TRHDE: variants seen among roughly 807,000 people sequenced by gnomAD.
TRHDE encodes thyrotropin-releasing hormone-degrading ectoenzyme.
A neutral mutation model predicts 125.7 loss-of-function variants in TRHDE; 72 were observed. The ratio of observed to expected loss-of-function variants is 0.57; its 90% CI spans 0.47 to 0.70. TRHDE has a LOEUF of 0.70. Ranked by LOEUF, TRHDE falls within the 30% of genes least tolerant of loss-of-function variation. The pLI is 0.00. For synonymous variants in TRHDE, 509 were observed against 509.1 expected (o/e 1.00, Z 0.00); for missense variants, 1,110 against 1,327.1 (o/e 0.84, Z 2.54).
intron 3 of TRHDE, among the ~76,000 whole-genome samples, chr12:72,441,344 T>C (rs1352898033): frequency 6.6e-6 from 1 of 151,904 alleles, no homozygotes; most frequent in African/African-American, 2.4e-5. Flanking sequence ...AGTAATAAAA[T>C]TGACTAATAA....
chr12:72,351,439 A>T (rs1282173531), intron 2 of TRHDE, among the ~76,000 whole-genome samples: 1 of 151,992 alleles, frequency 6.6e-6, no homozygotes, highest in East Asian at 1.9e-4. Flanking sequence ...GCTCCCTTTT[A>T]ACATACAGAG....
intron 3 of TRHDE, among the ~76,000 whole-genome samples, chr12:72,443,011 T>A (rs1875092456): frequency 6.6e-6 from 1 of 151,846 alleles, no homozygotes. Context: ...TCTTGCACTC[T>A]TCATTGGTTT....
intron 15 of TRHDE, among the ~76,000 whole-genome samples, chr12:72,645,478 T>C (rs143912387): frequency 6.6e-6 from 1 of 152,194 alleles, no homozygotes; most frequent in Non-Finnish European, 1.5e-5. Context: ...ACTTTTGGGA[T>C]ACCAGCAAAT....
chr12:72,425,273 G>A (rs999964488), intron 3 of TRHDE, among the ~76,000 whole-genome samples: 10 of 151,936 alleles, frequency 6.6e-5, no homozygotes, highest in Admixed American at 1.3e-4. Flanking sequence ...TTTTCTGTTT[G>A]GTTCCATTTC....
At chr12:72,143,804 T>C (rs1876169304) in intron 2 of TRHDE, among the ~76,000 whole-genome samples, 1 of 152,082 alleles carries the variant, frequency 6.6e-6, no homozygotes, top group Admixed American at 6.5e-5. Flanking sequence ...ATGAGCTAGA[T>C]CTTATTTCTT....
At chr12:72,263,391 G>A (rs1389389519) in intron 2 of TRHDE, 1 of 143,322 alleles carries the variant, frequency 7.0e-6, no homozygotes, top group African/African-American at 2.9e-5. Context: ...TCTAGTGTGT[G>A]TGCATGTTTT....
chr12:72,099,518 A>G (rs923122605), intron 1 of TRHDE, among the ~76,000 whole-genome samples: 1 of 152,162 alleles, frequency 6.6e-6, no homozygotes, highest in Non-Finnish European at 1.5e-5. Flanking sequence ...CCTTAAATAC[A>G]TAACCTGTCA....
At position 72,666,680 on chromosome 12, in the gene TRHDE, T is replaced by C. The variant is rs1401725053; in HGVS notation, c.*3485T>C. 6.6e-6 allele frequency: 1 copy of C among 152,114 alleles called. No individual in the cohort carries two copies. The highest frequency in any genetic ancestry group is 1.5e-5 in the Non-Finnish European group (1 of 68,012). 9.4% of individuals were successfully genotyped at this position (152,114 alleles called of 1,614,324 possible). On this transcript the variant is annotated 3_prime_UTR_variant, in exon 19 of 19. Transcript: ENST00000261180. Reference sequence around the variant, plus strand: ...AAAATATCTCTATCGATTGCATTAATTGGAGATTTTCCAAATACTAGACCA... The same window carrying C: ...AAAATATCTCTATCGATTGCATTAACTGGAGATTTTCCAAATACTAGACCA...
intron 3 of TRHDE, among the ~76,000 whole-genome samples, chr12:72,457,156 G>A (rs1043082021): frequency 2.6e-5 from 4 of 152,006 alleles, no homozygotes; most frequent in African/African-American, 7.2e-5. Flanking sequence ...TATTTCGAAC[G>A]GAAAGTCTAT....
intron 5 of TRHDE, among the ~76,000 whole-genome samples, chr12:72,493,038 A>G (rs1877752134): frequency 6.6e-6 from 1 of 151,896 alleles, no homozygotes; most frequent in African/African-American, 2.4e-5. Flanking sequence ...TGTCTCAATT[A>G]TGTCTCCTTT....
chr12:72,104,606 C>A (rs762630396), intron 1 of TRHDE, among the ~76,000 whole-genome samples: 1 of 152,168 alleles, frequency 6.6e-6, no homozygotes, highest in African/African-American at 2.4e-5. Context: ...GTGTCAGCAA[C>A]GAGTCACTTA....
chr12:72,625,409 T>C (rs1435965554), intron 15 of TRHDE, among the ~76,000 whole-genome samples: 1 of 151,774 alleles, frequency 6.6e-6, no homozygotes, highest in Non-Finnish European at 1.5e-5. Flanking sequence ...AGCACCTTGT[T>C]ATATAGTAAA....
At chr12:72,116,700 A>T (rs1207229958) in intron 2 of TRHDE, among the ~76,000 whole-genome samples, 1 of 151,586 alleles carries the variant, frequency 6.6e-6, no homozygotes, top group African/African-American at 2.4e-5. Context: ...CCACTTTTTG[A>T]TGGGGTTGTT....
intron 3 of TRHDE, among the ~76,000 whole-genome samples, chr12:72,379,766 T>C (rs780789945): frequency 1.3e-5 from 2 of 152,164 alleles, no homozygotes; most frequent in Non-Finnish European, 2.9e-5. Context: ...TTGCTCACCA[T>C]TGCCGCTACT....
intron 3 of TRHDE, among the ~76,000 whole-genome samples, chr12:72,450,535 T>C (rs1444915911): frequency 6.6e-6 from 1 of 152,016 alleles, no homozygotes; most frequent in Non-Finnish European, 1.5e-5. Flanking sequence ...CACATACTTA[T>C]TACTCTCTTA....
At chr12:72,326,547 C>A (rs1869349512) in intron 2 of TRHDE, among the ~76,000 whole-genome samples, 1 of 151,994 alleles carries the variant, frequency 6.6e-6, no homozygotes, top group Non-Finnish European at 1.5e-5. Context: ...GCACATGTAT[C>A]CCAGAACTTA....
chr12:72,091,615 T>C (rs1259699634), intron 1 of TRHDE, among the ~76,000 whole-genome samples: 2 of 152,170 alleles, frequency 1.3e-5, no homozygotes, highest in African/African-American at 4.8e-5. Context: ...AAGAATATTG[T>C]TGGAGGCCGA....
At chr12:72,220,879 A>G (rs1274112188) in intron 2 of TRHDE, among the ~76,000 whole-genome samples, 1 of 152,062 alleles carries the variant, frequency 6.6e-6, no homozygotes, top group Non-Finnish European at 1.5e-5. Flanking sequence ...TTATTATGAA[A>G]GTTAGTATAG....
At chr12:72,346,887 A>G (rs1870351163) in intron 2 of TRHDE, among the ~76,000 whole-genome samples, 1 of 152,046 alleles carries the variant, frequency 6.6e-6, no homozygotes, top group Non-Finnish European at 1.5e-5. Flanking sequence ...CAGCAAGGTA[A>G]TGCATCTCCT....
Sources: allele counts gnomAD v4.1 joint callset (sites outside exome capture counted in the v4.1 genomes callset), GRCh38; gene constraint gnomAD v4.1.1; transcripts MANE v1.5; gene names NCBI Gene and HGNC (gene_info 2026-07-23, HGNC 2026-07-21).